Variants in CDH18 observed in about 807,000 individuals in gnomAD.
The protein encoded by CDH18 is cadherin-18.
Under a neutral mutation model 67.9 loss-of-function variants are expected in CDH18, and 31 were observed. The ratio of observed to expected loss-of-function variants is 0.46; its 90% CI spans 0.34 to 0.62. The LOEUF (loss-of-function observed/expected upper bound fraction) is 0.62, where lower values mean the gene tolerates loss of function less well. Ranked by LOEUF, CDH18 falls within the 20% of genes least tolerant of loss-of-function variation. The pLI is 0.01. For synonymous variants in CDH18, 362 were observed against 347.2 expected (o/e 1.04, Z -0.48); for missense variants, 890 against 975.5 (o/e 0.91, Z 1.17).
intron 1 of CDH18, among the ~76,000 whole-genome samples, chr5:20,562,308 T>A (rs1758265773): frequency 6.6e-6 from 1 of 151,766 alleles, no homozygotes; most frequent in African/African-American, 2.4e-5. Context: ...TTTGGTACTA[T>A]ACACAAAGGA....
chr5:20,043,964 A>T (rs910384287), intron 2 of CDH18, among the ~76,000 whole-genome samples: 1 of 152,240 alleles, frequency 6.6e-6, no homozygotes, highest in African/African-American at 2.4e-5. Flanking sequence ...CTTCCCAAAC[A>T]TAAATACATA....
chr5:19,959,493 A>G (rs1384628187), intron 2 of CDH18, among the ~76,000 whole-genome samples: 2 of 152,142 alleles, frequency 1.3e-5, no homozygotes, highest in African/African-American at 4.8e-5. Context: ...AGTCTTTTCC[A>G]TGTTTAATTC....
intron 2 of CDH18, among the ~76,000 whole-genome samples, chr5:20,103,229 G>C (rs888599184): frequency 1.3e-5 from 2 of 152,076 alleles, no homozygotes; most frequent in Admixed American, 6.6e-5. Context: ...ATTCTTCTCT[G>C]TTTTTACAAT....
At chr5:20,183,622 GATTTGT>G (rs1245402652) in intron 2 of CDH18, among the ~76,000 whole-genome samples, 1 of 151,990 alleles carries the variant, frequency 6.6e-6, no homozygotes, top group Non-Finnish European at 1.5e-5. Context: ...GTTATTTTAT[GATTTGT>G]ATATTCAAAA....
chr5:20,031,366 C>A (rs1240843479), intron 2 of CDH18, among the ~76,000 whole-genome samples: 1 of 152,034 alleles, frequency 6.6e-6, no homozygotes, highest in Non-Finnish European at 1.5e-5. Context: ...GCCAGTGTCA[C>A]CACAGAGTCC....
At chr5:20,336,061 C>T (rs995817109) in intron 1 of CDH18, among the ~76,000 whole-genome samples, 3 of 152,040 alleles carry the variant, frequency 2.0e-5, no homozygotes, top group African/African-American at 4.8e-5. Flanking sequence ...GCTGGTTGGG[C>T]AGATAGGGAG....
At chr5:20,306,357 AAT>A (rs1485902763) in intron 1 of CDH18, among the ~76,000 whole-genome samples, 1 of 151,382 alleles carries the variant, frequency 6.6e-6, no homozygotes, top group Admixed American at 6.5e-5. Context: ...TAATGTTGTT[AAT>A]ATTATTGCTA....
chr5:19,728,916 C>G (rs1554016898), intron 4 of CDH18, among the ~76,000 whole-genome samples: 1 of 152,134 alleles, frequency 6.6e-6, no homozygotes, highest in Non-Finnish European at 1.5e-5. Context: ...TACAGGAGAA[C>G]TGTAATTTCA....
chr5:20,247,165 T>C (rs1031607747), intron 2 of CDH18, among the ~76,000 whole-genome samples: 4 of 152,160 alleles, frequency 2.6e-5, no homozygotes, highest in Non-Finnish European at 4.4e-5. Flanking sequence ...AGAATAAAGA[T>C]GCTGTTCCTT....
At chr5:19,509,988 G>A (rs770946433) in intron 10 of CDH18, among the ~76,000 whole-genome samples, 43 of 151,816 alleles carry the variant, frequency 2.8e-4, no homozygotes, top group Non-Finnish European at 5.4e-4. Context: ...GCTGTTATAC[G>A]GGGCTTAAAC....
At chr5:20,441,024 G>T (rs1749563195) in intron 1 of CDH18, among the ~76,000 whole-genome samples, 1 of 151,944 alleles carries the variant, frequency 6.6e-6, no homozygotes, top group Non-Finnish European at 1.5e-5. Context: ...AGATTGGAAA[G>T]TCAGGAAGGG....
chr5:20,076,276 A>G (rs959221344), intron 2 of CDH18, among the ~76,000 whole-genome samples: 3 of 151,390 alleles, frequency 2.0e-5, no homozygotes, highest in Non-Finnish European at 4.4e-5. Context: ...TTTGTGTTAA[A>G]GGAGTCTCAT....
At chr5:20,402,730 G>A (rs1306473148) in intron 1 of CDH18, among the ~76,000 whole-genome samples, 1 of 152,054 alleles carries the variant, frequency 6.6e-6, no homozygotes, top group African/African-American at 2.4e-5. Context: ...GTTGATAGCT[G>A]CTGACTTATC....
chr5:20,306,951 A>T (rs1580715070), intron 1 of CDH18, among the ~76,000 whole-genome samples: 1 of 54,822 alleles, frequency 1.8e-5, no homozygotes, highest in African/African-American at 3.6e-5. Flanking sequence ...TAGTTATAGG[A>T]AAAAATAACA....
intron 1 of CDH18, chr5:20,304,497 T>C (rs1465127279): frequency 6.3e-7 from 1 of 1,595,190 alleles, no homozygotes; most frequent in Admixed American, 1.7e-5. Flanking sequence ...AATGGTTTAG[T>C]GCGAAATGGT....
At chr5:20,061,545 A>G (rs1401915512) in intron 2 of CDH18, among the ~76,000 whole-genome samples, 3 of 152,184 alleles carry the variant, frequency 2.0e-5, no homozygotes, top group African/African-American at 7.2e-5. Flanking sequence ...ATGTACATGC[A>G]GTAAAATATT....
chr5:20,164,524 G>T (rs1462832859), intron 2 of CDH18, among the ~76,000 whole-genome samples: 1 of 151,046 alleles, frequency 6.6e-6, no homozygotes, highest in African/African-American at 2.5e-5. Flanking sequence ...ATCCGTCCAG[G>T]TCGGCCTCCC....
chr5:20,367,117 C>T (rs1411624766), intron 1 of CDH18, among the ~76,000 whole-genome samples: 2 of 152,076 alleles, frequency 1.3e-5, no homozygotes, highest in Non-Finnish European at 2.9e-5. Flanking sequence ...ATGCACTAAA[C>T]AGTATGAGTT....
intron 1 of CDH18, among the ~76,000 whole-genome samples, chr5:20,497,287 C>A (rs1003215884): frequency 4.6e-5 from 7 of 152,064 alleles, no homozygotes; most frequent in Non-Finnish European, 4.4e-5. Flanking sequence ...TAATACAGAA[C>A]AAATTTAAAA....
Sources: allele counts gnomAD v4.1 joint callset (sites outside exome capture counted in the v4.1 genomes callset), GRCh38; gene constraint gnomAD v4.1.1; transcripts MANE v1.5; gene names NCBI Gene and HGNC (gene_info 2026-07-23, HGNC 2026-07-21).